The following PKNOX1 variants were observed in gnomAD, a reference collection of about 807,000 sequenced individuals.
The protein encoded by PKNOX1 is PBX/knotted 1 homeobox 1, also known as homeobox protein PKNOX1.
Under a neutral mutation model 51.9 loss-of-function variants are expected in PKNOX1, and 15 were observed. That is an observed-to-expected ratio of 0.29 (90% CI 0.19 to 0.45). The LOEUF (loss-of-function observed/expected upper bound fraction) is 0.45, where lower values mean the gene tolerates loss of function less well. PKNOX1 is among the 20% of genes least tolerant of loss of function. The pLI is 1.00. For missense variants in PKNOX1, 462 were observed against 547.5 expected (o/e 0.84, Z 1.56); for synonymous variants, 219 against 211.1 (o/e 1.04, Z -0.32).
In PKNOX1 at chr21:43,017,012, G is replaced by A. The variant is rs780721819; in HGVS notation, c.622+5G>A. On this transcript the variant is annotated splice_donor_5th_base_variant and intron_variant, in intron 6 of 10. Transcript: ENST00000291547. ...TAGCCATGGCGACGGTGGCAGGTAC[G>A]ATGACAGAAAAATGGACACACTCTC... 14 of 1,603,388 alleles carry A rather than the reference G, an allele frequency of 8.7e-6. No homozygotes were observed. The highest frequency in any genetic ancestry group is 3.3e-5 in the Admixed American group (2 of 59,964).
At chr21:43,009,369 C>T (rs779666502) in intron 3 of PKNOX1, among the ~76,000 whole-genome samples, 6 of 151,920 alleles carry the variant, frequency 3.9e-5, no homozygotes, top group Admixed American at 2.0e-4. Flanking sequence ...CGCTTGAACC[C>T]GAGAGGCGGA....
intron 8 of PKNOX1, chr21:43,024,489 T>C (rs1366030469): frequency 5.9e-6 from 1 of 169,186 alleles, no homozygotes; most frequent in African/African-American, 2.4e-5. Context: ...CCTCTTTATA[T>C]GGATGTAGTT....
At position 43,030,484 on chromosome 21, in the gene PKNOX1, A is replaced by G. The variant is rs1254318919; in HGVS notation, c.*383A>G. 5.0e-5 allele frequency: 8 copies of G among 159,882 alleles called. No individual in the cohort carries two copies. Among genetic ancestry groups the G allele is most frequent in the Non-Finnish European group, 9.6e-5 (7 of 72,722 alleles). The allele number at this position is 159,882 out of a possible 1,614,324, so 9.9% of individuals were successfully genotyped here. Reference sequence around the variant, plus strand: ...CCAGCAGATCTCAGTGGGCTGGTTGATTTGTGTGGCCCATGGATTTGAAAG... The same window carrying G: ...CCAGCAGATCTCAGTGGGCTGGTTGGTTTGTGTGGCCCATGGATTTGAAAG... On this transcript the variant is annotated 3_prime_UTR_variant, in exon 11 of 11. Transcript: ENST00000291547.
rs1029484490 is a variant in PKNOX1 at position 43,018,239 on chromosome 21, G to A, written c.720+9G>A. 2.8e-5 allele frequency: 45 copies of A among 1,595,408 alleles called. No individual in the cohort carries two copies. Among genetic ancestry groups the A allele is most frequent in the African/African-American group, 1.6e-4 (12 of 74,568 alleles). On this transcript the variant is annotated intron_variant, in intron 7 of 10. Transcript: ENST00000291547. ...GGATCCAGAACTCCCAGGTGCGTGC[G>A]CCATTTTATGGAAGGCTTTGGGGGC...
chr21:43,012,696 G>C (rs1979307714), intron 4 of PKNOX1, among the ~76,000 whole-genome samples: 1 of 152,262 alleles, frequency 6.6e-6, no homozygotes, highest in Admixed American at 6.5e-5. Context: ...TAGGGTGAGT[G>C]TGGATGTATC....
chr21:42,987,298 C>G (rs2059056791), intron 1 of PKNOX1, among the ~76,000 whole-genome samples: 1 of 145,366 alleles, frequency 6.9e-6, no homozygotes, highest in Non-Finnish European at 1.5e-5. Context: ...AGGAGAATCG[C>G]TTGAACCTGG....
At chr21:42,987,396 A>AT (rs1477132985) in intron 1 of PKNOX1, among the ~76,000 whole-genome samples, 6 of 94,100 alleles carry the variant, frequency 6.4e-5, no homozygotes, top group African/African-American at 2.7e-4. Context: ...AAAAAAAAAA[A>AT]AAAAAAAAAT....
chr21:42,995,513 C>CA (rs1419130981), intron 1 of PKNOX1, among the ~76,000 whole-genome samples: 1 of 129,774 alleles, frequency 7.7e-6, no homozygotes, highest in African/African-American at 2.7e-5. Flanking sequence ...CCCCTGTCTA[C>CA]AAAAAAATGC....
chr21:43,002,127 G>A (rs1978786748), intron 1 of PKNOX1, among the ~76,000 whole-genome samples: 1 of 152,054 alleles, frequency 6.6e-6, no homozygotes, highest in South Asian at 2.1e-4. Flanking sequence ...AGAGTGCTGA[G>A]ATTACAGGCA....
At chr21:42,975,739 C>T (rs749297244) in intron 1 of PKNOX1, among the ~76,000 whole-genome samples, 3 of 152,184 alleles carry the variant, frequency 2.0e-5, no homozygotes, top group Admixed American at 6.5e-5. Flanking sequence ...ACGGCGGGGC[C>T]GCAGCCCTGG....
At chr21:43,016,609 C>T (rs76007426) in intron 5 of PKNOX1, among the ~76,000 whole-genome samples, 3,133 of 152,192 alleles carry the variant, frequency 0.021, 38 homozygotes, top group Middle Eastern at 0.054. Flanking sequence ...GGGTCTTCCT[C>T]GATATACTCC....
At chr21:42,985,738 C>T (rs1265724032) in intron 1 of PKNOX1, among the ~76,000 whole-genome samples, 3 of 151,984 alleles carry the variant, frequency 2.0e-5, no homozygotes, top group Non-Finnish European at 4.4e-5. Context: ...GTGGCTCACA[C>T]CTGTAATCCT....
rs568252739 is a variant in PKNOX1, at chr21:43,001,756, C to T, written c.-56-2570C>T. On this transcript the variant is annotated intron_variant, in intron 1 of 10. Coordinates refer to ENST00000291547, the MANE Select transcript of PKNOX1 (RefSeq NM_004571.5). ...CGGGCGGATCACAAGGTCAGGAGAT[C>T]GAGACCGTCCTGGCTAACATGGTGA... 2.8e-3 allele frequency among the ~76,000 whole-genome samples: 424 copies of T among 151,992 alleles called. 2 individuals are homozygous for T. Among genetic ancestry groups the T allele is most frequent in the African/African-American group, 9.2e-3 (383 of 41,474 alleles).
intron 1 of PKNOX1, among the ~76,000 whole-genome samples, chr21:42,991,111 T>C (rs2059085067): frequency 6.6e-6 from 1 of 152,168 alleles, no homozygotes; most frequent in Admixed American, 6.6e-5. Flanking sequence ...TAGCATGTCC[T>C]GAACCTTGTC....
At chr21:43,004,280 A>G (rs1488592383) in intron 1 of PKNOX1, 46 bp from the exon 2 acceptor site, 1 of 797,256 alleles carries the variant, frequency 1.3e-6, no homozygotes, top group African/African-American at 1.7e-5. Context: ...GAGACAAAAA[A>G]TGCTCTACAA....
At chr21:43,028,600 G>A (rs1980083324) in intron 9 of PKNOX1, 102 bp from the exon 10 acceptor site, 1 of 1,027,730 alleles carries the variant, frequency 9.7e-7, no homozygotes, top group African/African-American at 1.6e-5. Flanking sequence ...ATTCTTTGTA[G>A]CGTGCTTCGT....
chr21:43,017,270 A>G (rs1457958853), intron 6 of PKNOX1: 3 of 263,926 alleles, frequency 1.1e-5, no homozygotes, highest in African/African-American at 6.6e-5. Flanking sequence ...TATACACCAA[A>G]AACCAGTTGT....
In PKNOX1 at chr21:43,002,687, G is replaced by C. The variant is rs370782865; in HGVS notation, c.-56-1639G>C. Among the ~76,000 whole-genome samples the C allele has an allele frequency of 5.3e-5, 8 of 152,260 alleles. No individual in the cohort carries two copies. In the South Asian group the frequency reaches 6.2e-4, roughly 12 times the overall value. On this transcript the variant is annotated intron_variant, in intron 1 of 10. Coordinates refer to ENST00000291547, the MANE Select transcript of PKNOX1 (RefSeq NM_004571.5). ...CCTGGCTGCTGCCACGGCTGCTGCT[G>C]TTCTCACTGGACTCCTTGTTCCTTT...
At chr21:42,994,918 C>CTTTTTT (rs11361350) in intron 1 of PKNOX1, among the ~76,000 whole-genome samples, 13 of 113,580 alleles carry the variant, frequency 1.1e-4, no homozygotes, top group African/African-American at 3.1e-4. Context: ...TTTCTTTCTT[C>CTTTTTT]TTTTTTTTTT....
Sources: allele counts gnomAD v4.1 joint callset (sites outside exome capture counted in the v4.1 genomes callset), GRCh38; gene constraint gnomAD v4.1.1; transcripts MANE v1.5; gene names NCBI Gene and HGNC (gene_info 2026-07-23, HGNC 2026-07-21).